Variants in SLC9C2 observed in about 807,000 individuals in gnomAD.
SLC9C2 encodes the protein solute carrier family 9 member C2 (putative), also known as sodium/hydrogen exchanger 11.
In SLC9C2, 75 loss-of-function variants were observed where a neutral mutation model predicts 140.2. That is an observed-to-expected ratio of 0.53 (90% CI 0.44 to 0.65). The LOEUF (loss-of-function observed/expected upper bound fraction) is 0.65. Among genes scored for constraint, SLC9C2 ranks in the 30% least tolerant of loss-of-function variants. The pLI is 0.00. For missense variants in SLC9C2, 1,074 were observed against 1,331.8 expected, an observed-to-expected ratio of 0.81 and a Z score of 3.01; for synonymous variants, 375 against 420.9, an observed-to-expected ratio of 0.89 and a Z score of 1.34.
intron 10 of SLC9C2, among the ~76,000 whole-genome samples, chr1:173,555,650 G>C (rs1023180691): frequency 1.3e-5 from 2 of 152,142 alleles, no homozygotes; most frequent in Non-Finnish European, 2.9e-5. Flanking sequence ...AAAGAGAATC[G>C]GAGGAGCTGT....
At chr1:173,538,422 C>A (rs1041429127) in intron 13 of SLC9C2, among the ~76,000 whole-genome samples, 2 of 152,022 alleles carry the variant, frequency 1.3e-5, no homozygotes, top group Non-Finnish European at 2.9e-5. Context: ...TTTATTCATT[C>A]ATCCTTTAAA....
intron 13 of SLC9C2, among the ~76,000 whole-genome samples, chr1:173,537,690 C>T (rs184758522): frequency 6.6e-6 from 1 of 152,024 alleles, no homozygotes; most frequent in Admixed American, 6.6e-5. Flanking sequence ...ATATAAATAA[C>T]ATCAGTAGCA....
At chr1:173,532,904 A>T (rs1287312160) in intron 17 of SLC9C2, among the ~76,000 whole-genome samples, 1 of 152,134 alleles carries the variant, frequency 6.6e-6, no homozygotes, top group African/African-American at 2.4e-5. Flanking sequence ...AAAAAGAAAG[A>T]CCAAAACAAA....
intron 16 of SLC9C2, 112 bp from the exon 17 acceptor site, chr1:173,533,909 G>C (rs1661765909): frequency 2.5e-6 from 3 of 1,187,732 alleles, no homozygotes; most frequent in Non-Finnish European, 3.3e-6. Flanking sequence ...TATTCCGAAA[G>C]TTGAGCTTTA....
intron 8 of SLC9C2, 29 bp from the exon 9 acceptor site, chr1:173,573,354 T>C: frequency 7.2e-7 from 1 of 1,383,858 alleles, no homozygotes; most frequent in South Asian, 1.3e-5. Flanking sequence ...AAATGACATT[T>C]TAAGCAATCA....
rs6425247 is a variant in SLC9C2 at position 173,548,401 on chromosome 1, G to A, written c.1449C>T (p.Ile483=). The A allele has an allele frequency of 0.023, 36,758 of 1,611,792 alleles. 6,832 individuals are homozygous for A. The African/African-American group carries it at 0.42, about 18-fold the overall frequency. Residue 483 remains isoleucine, a synonymous_variant, in exon 12 of 28, where the codon ATC becomes ATT. Coordinates refer to ENST00000367714, the MANE Select transcript of SLC9C2 (RefSeq NM_178527.4). ...NWTLVEDKTR[I]EYIPFSHVSH... ...GGTATCAACTCACAGGAATGTATTC[G>A]ATCCTCGTTTTATCTTCTACTAAGG... is the stretch of plus-strand genomic sequence containing the variant.
At chr1:173,511,944 C>T (rs754123594) in intron 23 of SLC9C2, among the ~76,000 whole-genome samples, 5 of 152,072 alleles carry the variant, frequency 3.3e-5, no homozygotes, top group African/African-American at 9.7e-5. Flanking sequence ...TCAGGTTTGT[C>T]GAAGATGAGG....
At chr1:173,557,233 A>G in intron 10 of SLC9C2, 107 bp downstream of exon 10, 3 of 1,095,392 alleles carry the variant, frequency 2.7e-6, no homozygotes, top group Non-Finnish European at 4.0e-6. Context: ...ATGCATTTTA[A>G]AAATCTAATT....
At chr1:173,569,483 A>G (rs1469661510) in intron 9 of SLC9C2, among the ~76,000 whole-genome samples, 1 of 151,870 alleles carries the variant, frequency 6.6e-6, no homozygotes, top group Non-Finnish European at 1.5e-5. Flanking sequence ...TTGAATATTG[A>G]TATCTTTCCC....
intron 5 of SLC9C2, among the ~76,000 whole-genome samples, chr1:173,585,974 T>TA (rs1218446088): frequency 1.3e-5 from 2 of 149,650 alleles, no homozygotes; most frequent in South Asian, 2.1e-4. Context: ...TCTCAAAAAA[T>TA]AAAAAAATAA....
intron 22 of SLC9C2, among the ~76,000 whole-genome samples, chr1:173,520,400 A>G (rs777204938): frequency 1.3e-5 from 2 of 152,100 alleles, no homozygotes; most frequent in Non-Finnish European, 2.9e-5. Context: ...AAAAATCACA[A>G]CTAATCTCTT....
chr1:173,587,265 GT>G (rs1295253366), intron 5 of SLC9C2, among the ~76,000 whole-genome samples: 1 of 152,128 alleles, frequency 6.6e-6, no homozygotes, highest in East Asian at 1.9e-4. Flanking sequence ...CTAACAAGAG[GT>G]AGCAAGGCCT....
chr1:173,555,658 TG>T (rs1663626243), intron 10 of SLC9C2, among the ~76,000 whole-genome samples: 1 of 152,200 alleles, frequency 6.6e-6, no homozygotes, highest in Admixed American at 6.5e-5. Flanking sequence ...TCGGAGGAGC[TG>T]TAATGTTGAT....
intron 23 of SLC9C2, among the ~76,000 whole-genome samples, chr1:173,516,594 T>C (rs983157821): frequency 3.3e-5 from 5 of 152,244 alleles, no homozygotes; most frequent in Non-Finnish European, 7.3e-5. Context: ...ATTAATTTAC[T>C]AAAGATAATG....
chr1:173,519,058 T>G (rs12077271), intron 22 of SLC9C2, among the ~76,000 whole-genome samples: 46,853 of 151,948 alleles, frequency 0.31, 9,875 homozygotes, highest in African/African-American at 0.6. Flanking sequence ...CTTAAAAAGA[T>G]CTACAAAGTC....
At position 173,501,048 on chromosome 1, in the gene SLC9C2, T is replaced by G; in HGVS notation, c.*46A>C. On this transcript the variant is annotated 3_prime_UTR_variant, in exon 28 of 28. Transcript: ENST00000367714. Reference sequence around the variant, plus strand: ...TTGGTCTTTAACCTGACTCCACACATCATATTTGTATCATTAATACCCTTT... The same window carrying G: ...TTGGTCTTTAACCTGACTCCACACAGCATATTTGTATCATTAATACCCTTT... 1 of 1,496,210 alleles carries G rather than the reference T, an allele frequency of 6.7e-7. No homozygotes were observed. The highest frequency in any genetic ancestry group is 8.9e-7 in the Non-Finnish European group (1 of 1,124,638). 92.7% of individuals were successfully genotyped at this position (1,496,210 alleles called of 1,614,324 possible). A position where few individuals can be genotyped will look rare whatever the true frequency, so the allele number is the denominator to read the frequency against.
At chr1:173,520,394 A>G (rs921811574) in intron 22 of SLC9C2, among the ~76,000 whole-genome samples, 2 of 152,136 alleles carry the variant, frequency 1.3e-5, no homozygotes, top group Admixed American at 6.5e-5. Flanking sequence ...CTTTTAAAAA[A>G]TCACAACTAA....
chr1:173,581,813 A>T, intron 7 of SLC9C2, 34 bp downstream of exon 7: 2 of 1,472,238 alleles, frequency 1.4e-6, no homozygotes, highest in Non-Finnish European at 1.8e-6. Context: ...ACTTACTTTA[A>T]GGACAGTAAT....
At position 173,526,660 on chromosome 1, in the gene SLC9C2, T is replaced by C. The variant is rs201126152; in HGVS notation, c.2365+3A>G. The C allele has an allele frequency of 5.7e-6, 9 of 1,589,324 alleles. No individual in the cohort carries two copies. Among genetic ancestry groups the C allele is most frequent in the Non-Finnish European group, 7.7e-6 (9 of 1,172,976 alleles). The stretch of plus-strand genomic sequence containing the variant: ...TAAGAACTCAGATACTTCAACTACC[T>C]ACCTAATTCTTTGACAGCATCCTGT... On this transcript the variant is annotated splice_donor_region_variant and intron_variant, in intron 19 of 27. Transcript: ENST00000367714.
Sources: gnomAD v4.1 joint callset for allele counts (sites outside exome capture counted in the v4.1 genomes callset) on GRCh38, gnomAD v4.1.1 for gene constraint, MANE v1.5 for transcripts, NCBI Gene and HGNC (gene_info 2026-07-23, HGNC 2026-07-21) for gene names.